The following ESRRG variants were observed in gnomAD, a reference collection of about 807,000 sequenced individuals.
The protein encoded by ESRRG is estrogen-related receptor gamma.
Under a neutral mutation model 44.0 loss-of-function variants are expected in ESRRG, and 13 were observed. The observed-to-expected ratio is 0.30, with a 90% confidence interval of 0.19 to 0.47. The LOEUF is 0.47. Ranked by LOEUF, ESRRG falls within the 20% of genes least tolerant of loss-of-function variation. The pLI, the probability that ESRRG is intolerant of heterozygous loss-of-function variation, is 1.00. For missense variants in ESRRG, 395 were observed against 580.6 expected, an observed-to-expected ratio of 0.68 and a Z score of 3.29; for synonymous variants, 215 against 214.6, an observed-to-expected ratio of 1.00 and a Z score of -0.02.
intron 1 of ESRRG, among the ~76,000 whole-genome samples, chr1:216,941,752 A>G (rs2149972679): frequency 6.6e-6 from 1 of 152,308 alleles, no homozygotes; most frequent in East Asian, 1.9e-4. Flanking sequence ...GTAATTTACT[A>G]AGAATGGGGG....
chr1:216,800,883 G>A (rs1482750125), intron 2 of ESRRG, among the ~76,000 whole-genome samples: 1 of 152,036 alleles, frequency 6.6e-6, no homozygotes, highest in Non-Finnish European at 1.5e-5. Flanking sequence ...AGGGTTTGAA[G>A]GTATTAACAT....
chr1:216,700,605 T>C (rs1045508204), intron 1 of ESRRG, among the ~76,000 whole-genome samples: 1 of 152,178 alleles, frequency 6.6e-6, no homozygotes, highest in African/African-American at 2.4e-5. Context: ...AGCCAGATAG[T>C]ACTGTTTACT....
At chr1:216,996,213 A>G (rs1028928121) in intron 1 of ESRRG, among the ~76,000 whole-genome samples, 1 of 152,112 alleles carries the variant, frequency 6.6e-6, no homozygotes, top group Non-Finnish European at 1.5e-5. Context: ...GCTTCTTTGG[A>G]CTTTACAGAG....
chr1:216,536,815 C>A (rs1304010296), intron 5 of ESRRG, among the ~76,000 whole-genome samples: 4 of 151,978 alleles, frequency 2.6e-5, no homozygotes, highest in African/African-American at 9.7e-5. Flanking sequence ...AATATGGATT[C>A]TTTGGGGCCT....
rs1406410436 is a variant in ESRRG at position 216,985,411 on chromosome 1, G to T, written c.-105-45738C>A. 2.0e-5 allele frequency among the ~76,000 whole-genome samples: 3 copies of T among 152,204 alleles called. No homozygotes were observed. In the East Asian group the frequency reaches 5.8e-4, roughly 29 times the overall value. ...ATCCAGGCTGGAGAAGGAAGAGGTA[G>T]TACAAGGTTTCTCCAAATATTTCAA... On this transcript the variant is annotated intron_variant, in intron 1 of 7. Coordinates refer to the ESRRG transcript ENST00000359162.
intron 1 of ESRRG, among the ~76,000 whole-genome samples, chr1:216,687,557 G>A (rs1204190423): frequency 2.0e-5 from 3 of 152,140 alleles, no homozygotes; most frequent in African/African-American, 7.2e-5. Context: ...GGAAACCTTA[G>A]TACTTGGCCC....
At chr1:216,584,805 C>T (rs540835546) in intron 3 of ESRRG, among the ~76,000 whole-genome samples, 13 of 152,268 alleles carry the variant, frequency 8.5e-5, no homozygotes, top group Admixed American at 7.2e-4. Context: ...GAGCTCAGCT[C>T]TATAATTCCC....
chr1:216,817,942 T>C (rs2095190710), intron 2 of ESRRG, among the ~76,000 whole-genome samples: 1 of 151,770 alleles, frequency 6.6e-6, no homozygotes, highest in African/African-American at 2.4e-5. Flanking sequence ...TTTTTAACAA[T>C]GCATATGAGG....
chr1:217,001,355 A>C (rs1012564941), intron 1 of ESRRG, among the ~76,000 whole-genome samples: 1 of 152,208 alleles, frequency 6.6e-6, no homozygotes, highest in African/African-American at 2.4e-5. Context: ...CAGAGTCTGA[A>C]AATGAGTCAC....
chr1:216,723,208 C>T (rs368811304), intron 1 of ESRRG, 36 bp downstream of exon 1: 176 of 1,572,164 alleles, frequency 1.1e-4, no homozygotes, highest in Non-Finnish European at 2.3e-5. Flanking sequence ...CGCACCCCCA[C>T]GACGAGTTTA....
chr1:216,866,681 C>A (rs2096169397), intron 2 of ESRRG, among the ~76,000 whole-genome samples: 1 of 151,988 alleles, frequency 6.6e-6, no homozygotes, highest in African/African-American at 2.4e-5. Flanking sequence ...GGTGATCCTC[C>A]CACCTTAGCC....
chr1:216,928,071 C>T (rs1277580546), intron 2 of ESRRG, among the ~76,000 whole-genome samples: 1 of 152,140 alleles, frequency 6.6e-6, no homozygotes, highest in Non-Finnish European at 1.5e-5. Flanking sequence ...AGAAGAAAGT[C>T]TTGACCATGA....
At chr1:216,816,212 A>G (rs956687877) in intron 2 of ESRRG, among the ~76,000 whole-genome samples, 2 of 152,230 alleles carry the variant, frequency 1.3e-5, no homozygotes, top group African/African-American at 4.8e-5. Flanking sequence ...TGTATGGAAC[A>G]TGGTTTCAAA....
intron 1 of ESRRG, among the ~76,000 whole-genome samples, chr1:217,088,314 A>C (rs1403842999): frequency 2.6e-5 from 4 of 151,362 alleles, no homozygotes; most frequent in Admixed American, 2.0e-4. Context: ...AGTATTAGGC[A>C]GGAGTGTTTT....
chr1:216,919,835 C>G (rs1013356843), intron 2 of ESRRG, among the ~76,000 whole-genome samples: 1 of 152,182 alleles, frequency 6.6e-6, no homozygotes, highest in Non-Finnish European at 1.5e-5. Flanking sequence ...ATTACTTCCT[C>G]TTATTTCAAA....
chr1:216,674,964 TAACA>T (rs1410935346), intron 2 of ESRRG, among the ~76,000 whole-genome samples: 2 of 152,168 alleles, frequency 1.3e-5, no homozygotes, highest in East Asian at 3.9e-4. Context: ...GGAAGTTATG[TAACA>T]GACAACAAAA....
chr1:216,567,102 C>G (rs949084133), intron 4 of ESRRG, among the ~76,000 whole-genome samples: 2 of 152,150 alleles, frequency 1.3e-5, no homozygotes, highest in African/African-American at 4.8e-5. Context: ...ATGCATTTTC[C>G]TCTGATGAGT....
intron 2 of ESRRG, among the ~76,000 whole-genome samples, chr1:216,819,558 G>C (rs751151334): frequency 3.9e-5 from 6 of 151,928 alleles, no homozygotes; most frequent in Non-Finnish European, 7.4e-5. Flanking sequence ...CAGGGCAAAG[G>C]CTGAGTCTTT....
At chr1:217,054,685 T>C (rs1282784018) in intron 1 of ESRRG, among the ~76,000 whole-genome samples, 1 of 152,156 alleles carries the variant, frequency 6.6e-6, no homozygotes, top group Non-Finnish European at 1.5e-5. Flanking sequence ...GTATGGCTAC[T>C]GTGGTTATTA....
Sources: allele counts gnomAD v4.1 joint callset (sites outside exome capture counted in the v4.1 genomes callset), GRCh38; gene constraint gnomAD v4.1.1; transcripts MANE v1.5; gene names NCBI Gene and HGNC (gene_info 2026-07-23, HGNC 2026-07-21).